Variants in ANKRD6 observed in about 807,000 individuals in gnomAD.
ANKRD6 encodes ankyrin repeat domain 6.
Under a neutral mutation model 82.3 loss-of-function variants are expected in ANKRD6, and 56 were observed. That is an observed-to-expected ratio of 0.68 (90% CI 0.55 to 0.85). The LOEUF (loss-of-function observed/expected upper bound fraction) is 0.85. Among genes scored for constraint, ANKRD6 ranks in the 40% least tolerant of loss-of-function variants. The pLI, the probability that ANKRD6 is intolerant of heterozygous loss-of-function variation, is 0.00. For missense variants in ANKRD6, 852 were observed against 907.6 expected, an observed-to-expected ratio of 0.94 and a Z score of 0.79; for synonymous variants, 347 against 352.1, an observed-to-expected ratio of 0.99 and a Z score of 0.16.
chr6:89,495,200 G>A (rs535344231), intron 1 of ANKRD6, among the ~76,000 whole-genome samples: 95 of 152,240 alleles, frequency 6.2e-4, no homozygotes, highest in African/African-American at 2.1e-3. Flanking sequence ...GCCACTGCAC[G>A]CCAGCCTGGG....
chr6:89,578,765 G>GC (rs1292232749), intron 2 of ANKRD6, among the ~76,000 whole-genome samples: 1 of 152,182 alleles, frequency 6.6e-6, no homozygotes, highest in Non-Finnish European at 1.5e-5. Flanking sequence ...GCTCTGCCAA[G>GC]CTAGTGCTCT....
chr6:89,492,118 G>A (rs1172385080), intron 1 of ANKRD6, among the ~76,000 whole-genome samples: 1 of 152,110 alleles, frequency 6.6e-6, no homozygotes, highest in African/African-American at 2.4e-5. Context: ...TTTGTTATGG[G>A]GCCTCAGCCA....
chr6:89,599,294 G>A (rs1196281242), intron 3 of ANKRD6, among the ~76,000 whole-genome samples: 2 of 152,180 alleles, frequency 1.3e-5, no homozygotes, highest in Non-Finnish European at 2.9e-5. Flanking sequence ...GATTGATTGA[G>A]CCTGGGAGGT....
chr6:89,460,125 T>C (rs934866254), intron 1 of ANKRD6, among the ~76,000 whole-genome samples: 2 of 150,322 alleles, frequency 1.3e-5, no homozygotes, highest in African/African-American at 2.5e-5. Flanking sequence ...AGACAGCCTT[T>C]TCCTATAGCA....
intron 1 of ANKRD6, among the ~76,000 whole-genome samples, chr6:89,471,890 G>T (rs1324829734): frequency 6.9e-6 from 1 of 144,626 alleles, no homozygotes; most frequent in Admixed American, 7.3e-5. Context: ...AGTGAGATGA[G>T]GTCACGCCAT....
At chr6:89,529,501 A>G (rs1782889786) in intron 1 of ANKRD6, among the ~76,000 whole-genome samples, 2 of 152,218 alleles carry the variant, frequency 1.3e-5, no homozygotes, top group African/African-American at 2.4e-5. Flanking sequence ...AACTTTCTCC[A>G]TATCAGCAAT....
At chr6:89,495,238 A>C (rs575089630) in intron 1 of ANKRD6, among the ~76,000 whole-genome samples, 1 of 148,256 alleles carries the variant, frequency 6.7e-6, no homozygotes, top group South Asian at 2.1e-4. Context: ...ATCTCAAAAC[A>C]AAACAAAACA....
intron 2 of ANKRD6, among the ~76,000 whole-genome samples, chr6:89,571,780 C>A (rs1789969520): frequency 6.6e-6 from 1 of 152,164 alleles, no homozygotes; most frequent in Non-Finnish European, 1.5e-5. Flanking sequence ...ATCATTATCA[C>A]CCAAAGTCCA....
At chr6:89,579,553 T>A (rs1204230378) in intron 2 of ANKRD6, among the ~76,000 whole-genome samples, 1 of 152,094 alleles carries the variant, frequency 6.6e-6, no homozygotes, top group Non-Finnish European at 1.5e-5. Context: ...GGTGGATCTC[T>A]TGAGGCCAGG....
chr6:89,564,159 T>C (rs2128059219), intron 1 of ANKRD6, among the ~76,000 whole-genome samples: 1 of 152,330 alleles, frequency 6.6e-6, no homozygotes, highest in South Asian at 2.1e-4. Flanking sequence ...GCTGGGGTTC[T>C]GTTCCTGATC....
intron 1 of ANKRD6, among the ~76,000 whole-genome samples, chr6:89,435,462 A>G (rs759249679): frequency 2.0e-5 from 3 of 152,232 alleles, no homozygotes; most frequent in Non-Finnish European, 4.4e-5. Flanking sequence ...CATTTCCACA[A>G]TAACCTGGAG....
chr6:89,444,219 A>G (rs1183468475), intron 1 of ANKRD6, among the ~76,000 whole-genome samples: 1 of 152,244 alleles, frequency 6.6e-6, no homozygotes, highest in African/African-American at 2.4e-5. Flanking sequence ...GAGTTACAGA[A>G]TATCTATTGA....
At chr6:89,587,875 C>T (rs1794089843) in intron 2 of ANKRD6, among the ~76,000 whole-genome samples, 3 of 152,204 alleles carry the variant, frequency 2.0e-5, no homozygotes, top group Non-Finnish European at 2.9e-5. Flanking sequence ...ACTCTGAAAG[C>T]TTCTTAAATT....
At chr6:89,580,231 ACT>A (rs1388665571) in intron 2 of ANKRD6, among the ~76,000 whole-genome samples, 1 of 150,330 alleles carries the variant, frequency 6.7e-6, no homozygotes, top group Non-Finnish European at 1.5e-5. Context: ...TTTAAAGATA[ACT>A]CTCTTAATTG....
chr6:89,509,940 TA>T (rs1262104234), intron 1 of ANKRD6, among the ~76,000 whole-genome samples: 2 of 152,238 alleles, frequency 1.3e-5, no homozygotes, highest in Non-Finnish European at 2.9e-5. Context: ...TAGCGCTGTT[TA>T]CTGGCTTTTC....
chr6:89,537,617 T>C (rs150112129), intron 1 of ANKRD6, among the ~76,000 whole-genome samples: 365 of 151,162 alleles, frequency 2.4e-3, no homozygotes, highest in African/African-American at 8.6e-3. Context: ...ATAATAAAAA[T>C]TTTAAACACA....
intron 1 of ANKRD6, chr6:89,483,586 C>G (rs1316321465): frequency 6.6e-6 from 1 of 152,216 alleles, no homozygotes; most frequent in African/African-American, 2.4e-5. Flanking sequence ...TAAAACTGTT[C>G]CATTTTGCAC....
At chr6:89,545,233 A>G (rs1784946513) in intron 1 of ANKRD6, among the ~76,000 whole-genome samples, 1 of 149,468 alleles carries the variant, frequency 6.7e-6, no homozygotes, top group Non-Finnish European at 1.5e-5. Context: ...AAAAAAAAGA[A>G]AAGAAAAAGG....
chr6:89,611,313 G>A (rs767399576), intron 5 of ANKRD6, among the ~76,000 whole-genome samples: 1 of 152,150 alleles, frequency 6.6e-6, no homozygotes, highest in Non-Finnish European at 1.5e-5. Context: ...AATGCTCTGA[G>A]CCCACGCACC....
Sources: allele counts gnomAD v4.1 joint callset (sites outside exome capture counted in the v4.1 genomes callset), GRCh38; gene constraint gnomAD v4.1.1; transcripts MANE v1.5; gene names NCBI Gene and HGNC (gene_info 2026-07-23, HGNC 2026-07-21).